The following SEC16A variants were observed in gnomAD, a reference collection of about 807,000 sequenced individuals.
SEC16A encodes SEC16 homolog A, endoplasmic reticulum export factor.
In SEC16A, 110 loss-of-function variants were observed where a neutral mutation model predicts 221.9. That is an observed-to-expected ratio of 0.50 (90% CI 0.42 to 0.58). The LOEUF is 0.58. Ranked by LOEUF, SEC16A falls within the 20% of genes least tolerant of loss-of-function variation. The pLI, the probability that SEC16A is intolerant of heterozygous loss-of-function variation, is 0.00. For synonymous variants in SEC16A, 1,393 were observed against 1,257.7 expected, an observed-to-expected ratio of 1.11 and a Z score of -2.28; for missense variants, 3,165 against 3,097.8, an observed-to-expected ratio of 1.02 and a Z score of -0.52.
chr9:136,463,494 T>C lies in SEC16A; in HGVS notation c.4616A>G (p.Asn1539Ser), dbSNP rs377035577. ...TTGTCTGCATAAGAGAACAATAAAA[T>C]TCCAAAGAAGACTTGCAGACTCTTT... The part of the protein sequence containing the change: ...IDKESASLLW[N>S]FIVLLCRQNG... Residue 1539 changes from asparagine to serine, a missense_variant, in exon 11 of 32, where the codon AAT (asparagine) becomes AGT (serine). Asn to Ser is a conservative substitution (Grantham distance 46). This residue lies in a region of SEC16A where 1,088 missense variants were observed against 1,089.6 expected (regional missense o/e 1.00). Coordinates refer to ENST00000684901, the MANE Select transcript of SEC16A (RefSeq NM_014866.2). 52 of 1,613,768 alleles carry C rather than the reference T, an allele frequency of 3.2e-5. No individual in the cohort carries two copies. Among genetic ancestry groups the C allele is most frequent in the Non-Finnish European group, 4.2e-5 (49 of 1,179,866 alleles).
At chr9:136,484,311 C>T (rs1842746922), upstream of SEC16A, 48 of 1,087,146 alleles carry the variant, frequency 4.4e-5, 2 homozygotes, top group South Asian at 9.3e-4. Flanking sequence ...GTAGGCGCTC[C>T]TGTGCCTGCC....
intron 30 of SEC16A, among the ~76,000 whole-genome samples, chr9:136,444,644 T>C (rs1836690654): frequency 6.6e-6 from 1 of 152,022 alleles, no homozygotes; most frequent in African/African-American, 2.4e-5. Context: ...CTCAGCACTT[T>C]GGGAGGCTGA....
intron 12 of SEC16A, among the ~76,000 whole-genome samples, chr9:136,461,969 G>A (rs567008532): frequency 1.4e-3 from 209 of 151,834 alleles, no homozygotes; most frequent in African/African-American, 2.8e-3. Context: ...TTAGCCAGGC[G>A]TGGTGGCATG....
chr9:136,442,385 C>T (rs534553480), intron 31 of SEC16A, among the ~76,000 whole-genome samples: 2 of 152,362 alleles, frequency 1.3e-5, no homozygotes, highest in South Asian at 2.1e-4. Flanking sequence ...CTGGGAGCCT[C>T]GGCCTCGTTT....
In SEC16A at chr9:136,482,959, C is replaced by T; in HGVS notation, c.-213G>A. ...TCACCCGCGCGGCTGAGACCGATCC[C>T]TCAGGAGCCGCGGGCGAAAGCCCAC... On this transcript the variant is annotated 5_prime_UTR_variant, in exon 1 of 32. Coordinates refer to ENST00000684901, the MANE Select transcript of SEC16A (RefSeq NM_014866.2). 1 of 985,176 alleles carries T rather than the reference C, an allele frequency of 1.0e-6. No homozygotes were observed. Among genetic ancestry groups the T allele is most frequent in the Non-Finnish European group, 1.2e-6 (1 of 829,750 alleles). 61.0% of individuals were successfully genotyped at this position (985,176 alleles called of 1,614,324 possible).
At position 136,456,036 on chromosome 9, in the gene SEC16A, C is replaced by G; in HGVS notation, c.5664+17G>C. On this transcript the variant is annotated intron_variant, in intron 19 of 31. Transcript: ENST00000684901. Reference sequence around the variant, plus strand: ...CCTTGCCAGACGCCTCTGTGCCACCCCAAGCCAAGGCTGTACCTTAATCTG... The same window carrying G: ...CCTTGCCAGACGCCTCTGTGCCACCGCAAGCCAAGGCTGTACCTTAATCTG... The G allele has an allele frequency of 1.3e-6, 2 of 1,599,044 alleles. No individual in the cohort carries two copies. Among genetic ancestry groups the G allele is most frequent in the Non-Finnish European group, 1.7e-6 (2 of 1,168,870 alleles).
chr9:136,482,752 G>A (rs1371010870), intron 1 of SEC16A, among the ~76,000 whole-genome samples, 186 bp downstream of exon 1: 16 of 151,882 alleles, frequency 1.1e-4, no homozygotes, highest in Non-Finnish European at 2.4e-4. Context: ...CTTCCGCTCT[G>A]GCCCGGGGGC....
intron 20 of SEC16A, among the ~76,000 whole-genome samples, chr9:136,455,313 C>T (rs1442868519): frequency 6.6e-6 from 1 of 152,142 alleles, no homozygotes; most frequent in Non-Finnish European, 1.5e-5. Flanking sequence ...GAGAAACAAG[C>T]AGGGAGGCTG....
intron 17 of SEC16A, among the ~76,000 whole-genome samples, chr9:136,458,275 G>A (rs1427039702): frequency 6.6e-6 from 1 of 151,704 alleles, no homozygotes; most frequent in Non-Finnish European, 1.5e-5. Flanking sequence ...AGCCTCTCAT[G>A]TATGTTTTAT....
chr9:136,462,520 G>C (rs1005761307), intron 12 of SEC16A, among the ~76,000 whole-genome samples: 1 of 152,180 alleles, frequency 6.6e-6, no homozygotes, highest in Admixed American at 6.5e-5. Flanking sequence ...ATGACTTCTG[G>C]GCTGTGGACT....
At chr9:136,445,185 C>A in intron 29 of SEC16A, 74 bp from the exon 30 acceptor site, 1 of 1,314,046 alleles carries the variant, frequency 7.6e-7, no homozygotes. Context: ...TCCAAGCTGT[C>A]AGTTCCATTT....
At position 136,447,139 on chromosome 9, in the gene SEC16A, G is replaced by A. The variant is rs1837109021; in HGVS notation, c.6697+88C>T. On this transcript the variant is annotated intron_variant, in intron 27 of 31. Transcript: ENST00000684901. The surrounding 1 kb of genome is among the most constrained non-coding windows in gnomAD (Gnocchi z 5.5). ...ATGCTGGCCAGGTCATTCTTTTAAC[G>A]GGAGATTTAGGAGAGACTCATAGAA... 2.6e-6 allele frequency: 4 copies of A among 1,521,688 alleles called. No individual in the cohort carries two copies. The South Asian group carries it at 3.7e-5, about 14-fold the overall frequency. 94.3% of individuals were successfully genotyped at this position (1,521,688 alleles called of 1,614,324 possible).
Position 136,451,295 on chromosome 9 carries a change from G to C in SEC16A, c.6273C>G (p.Pro2091=). Residue 2091 remains proline, a synonymous_variant, in exon 23 of 32, where the codon CCC becomes CCG. Coordinates refer to ENST00000684901, the MANE Select transcript of SEC16A (RefSeq NM_014866.2). ...TCGTTTCTTTCTTGGCTGCCTGTCC[G>C]GGTCTCTTTGTTTCGGGAGCGGGTG... ...SLSPAPETKR[P]GQAAKKETKE... 6.2e-7 allele frequency: 1 copy of C among 1,613,184 alleles called. No homozygotes were observed. Among genetic ancestry groups the C allele is most frequent in the Non-Finnish European group, 8.5e-7 (1 of 1,179,554 alleles).
intron 4 of SEC16A, among the ~76,000 whole-genome samples, chr9:136,470,380 G>A (rs967698525): frequency 6.6e-6 from 1 of 152,326 alleles, no homozygotes; most frequent in African/African-American, 2.4e-5. Context: ...GCGGCCAGCA[G>A]CAGAAGGAAA....
chr9:136,452,492 G>T (rs1050409183), intron 22 of SEC16A, among the ~76,000 whole-genome samples: 1 of 142,412 alleles, frequency 7.0e-6, no homozygotes, highest in African/African-American at 2.6e-5. Context: ...ATGGCCAGGT[G>T]CAGTGGTTCA....
chr9:136,464,686 C>T (rs1588956791), intron 8 of SEC16A, 124 bp from the exon 9 acceptor site: 1 of 840,682 alleles, frequency 1.2e-6, no homozygotes, highest in East Asian at 2.5e-5. Flanking sequence ...ACTTCCAACT[C>T]AAAAGTCGGT....
At chr9:136,444,122 C>T in intron 30 of SEC16A, 1 of 432,998 alleles carries the variant, frequency 2.3e-6, no homozygotes, top group Non-Finnish European at 4.2e-6. Flanking sequence ...GTTTTAAGCA[C>T]CGGAACATGC....
intron 4 of SEC16A, 103 bp downstream of exon 4, chr9:136,471,872 A>G: frequency 7.4e-7 from 1 of 1,351,590 alleles, no homozygotes; most frequent in Non-Finnish European, 1.0e-6. Flanking sequence ...ACAATTCTTC[A>G]GAAATACAGA....
chr9:136,455,736 G>T lies in SEC16A; in HGVS notation c.5722C>A (p.Pro1908Thr). 6.3e-7 allele frequency: 1 copy of T among 1,598,366 alleles called. No individual in the cohort carries two copies. The highest frequency in any genetic ancestry group is 8.5e-7 in the Non-Finnish European group (1 of 1,172,990). Residue 1908 changes from proline (P) to threonine (T), a missense_variant, in exon 20 of 32, where the codon CCG becomes ACG. Physicochemically the swap from Pro to Thr is conservative, Grantham distance 38 (BLOSUM62 -1). Transcript: ENST00000684901. ...TCCAACTGCTCCATCTCGGAACTCGGAGTGCCAGGACACTGCTGCGGGAGG... is the reference window on the plus strand; with the variant it reads ...TCCAACTGCTCCATCTCGGAACTCGTAGTGCCAGGACACTGCTGCGGGAGG... ...GALPQQCPGT[P>T]SSEMEQLDRP...
Sources: allele counts gnomAD v4.1 joint callset (sites outside exome capture counted in the v4.1 genomes callset), GRCh38; gene constraint gnomAD v4.1.1; regional missense constraint gnomAD v4.1.1; non-coding constraint Gnocchi (gnomAD v3.1); transcripts MANE v1.5; gene names NCBI Gene and HGNC (gene_info 2026-07-23, HGNC 2026-07-21).